CSMD1: variants seen among roughly 807,000 people sequenced by gnomAD.
CSMD1 encodes the protein CUB and Sushi multiple domains 1.
CSMD1 carries 213 observed loss-of-function variants against 417.5 expected under a neutral mutation model. That is an observed-to-expected ratio of 0.51 (90% CI 0.46 to 0.57). The LOEUF (loss-of-function observed/expected upper bound fraction) is 0.57. Ranked by LOEUF, CSMD1 falls within the 20% of genes least tolerant of loss-of-function variation. The pLI is 0.00. For synonymous variants in CSMD1, 2,862 were observed against 1,736.8 expected (o/e 1.65, Z -16.11); for missense variants, 6,923 against 4,529.7 (o/e 1.53, Z -15.17).
intron 26 of CSMD1, among the ~76,000 whole-genome samples, chr8:3,245,285 C>A (rs984068577): frequency 6.6e-6 from 1 of 152,178 alleles, no homozygotes; most frequent in African/African-American, 2.4e-5. Context: ...CTGAGAAGCA[C>A]CTCCAGTTCC....
chr8:4,529,897 AT>A (rs1286671702), intron 2 of CSMD1, among the ~76,000 whole-genome samples: 3 of 147,338 alleles, frequency 2.0e-5, no homozygotes, highest in Non-Finnish European at 4.5e-5. Flanking sequence ...AATTTATTTA[AT>A]TTTTTTATTT....
chr8:4,783,017 T>C (rs902067233), intron 1 of CSMD1, among the ~76,000 whole-genome samples: 5 of 151,682 alleles, frequency 3.3e-5, no homozygotes, highest in Non-Finnish European at 7.4e-5. Flanking sequence ...GATGGTCATG[T>C]CTGGAAATGG....
intron 3 of CSMD1, among the ~76,000 whole-genome samples, chr8:4,312,609 T>A (rs910889185): frequency 8.1e-5 from 12 of 147,526 alleles, no homozygotes; most frequent in African/African-American, 2.7e-5. Flanking sequence ...AGGCACAGTG[T>A]CTCACGCCTG....
rs182606206 is a variant in CSMD1 at position 4,566,422 on chromosome 8, G to C, written c.302+70920C>G. On this transcript the variant is annotated intron_variant, in intron 2 of 69. Coordinates refer to ENST00000635120, the MANE Select transcript of CSMD1 (RefSeq NM_033225.6). ...TAATCCCATCACTTTGGGAGGCCGA[G>C]GTGGGTTGATCACGAGGTCAAGAGA... 1.7e-3 allele frequency among the ~76,000 whole-genome samples: 255 copies of C among 152,120 alleles called. 1 individual carries two copies. Among genetic ancestry groups the C allele is most frequent in the African/African-American group, 5.9e-3 (246 of 41,504 alleles).
chr8:4,634,510 G>A (rs908166052), intron 2 of CSMD1, among the ~76,000 whole-genome samples: 1 of 152,128 alleles, frequency 6.6e-6, no homozygotes, highest in Non-Finnish European at 1.5e-5. Flanking sequence ...TAGCTTTTGT[G>A]CAACAATAAA....
chr8:4,723,513 G>C (rs1809201517), intron 1 of CSMD1, among the ~76,000 whole-genome samples: 1 of 152,038 alleles, frequency 6.6e-6, no homozygotes, highest in Non-Finnish European at 1.5e-5. Flanking sequence ...GTATCTTGTA[G>C]GATCTGTGTA....
chr8:3,121,082 A>G (rs555212154), intron 41 of CSMD1, among the ~76,000 whole-genome samples: 2 of 138,164 alleles, frequency 1.4e-5, no homozygotes, highest in Admixed American at 1.3e-4. Context: ...ACAGAAATCC[A>G]AACAACAACA....
At chr8:4,524,298 A>G (rs1796395431) in intron 2 of CSMD1, among the ~76,000 whole-genome samples, 1 of 152,284 alleles carries the variant, frequency 6.6e-6, no homozygotes, top group Middle Eastern at 3.4e-3. Flanking sequence ...ATATGTGTTA[A>G]CAACCTGCTA....
At chr8:3,648,191 G>A (rs1284071374) in intron 7 of CSMD1, among the ~76,000 whole-genome samples, 1 of 152,166 alleles carries the variant, frequency 6.6e-6, no homozygotes, top group African/African-American at 2.4e-5. Context: ...GTACATATGT[G>A]TATATTACTC....
intron 1 of CSMD1, among the ~76,000 whole-genome samples, chr8:4,842,641 T>C (rs1248841339): frequency 6.6e-6 from 1 of 152,204 alleles, no homozygotes; most frequent in African/African-American, 2.4e-5. Flanking sequence ...CTCAGTAGTG[T>C]TCTTCTCTGT....
chr8:3,049,411 T>G (rs188702503), intron 50 of CSMD1, among the ~76,000 whole-genome samples: 1 of 151,984 alleles, frequency 6.6e-6, no homozygotes, highest in Non-Finnish European at 1.5e-5. Flanking sequence ...TAAAAAGAAA[T>G]GAGAGCTAGA....
chr8:3,959,828 C>G (rs1382186889), intron 5 of CSMD1, among the ~76,000 whole-genome samples: 3 of 152,138 alleles, frequency 2.0e-5, no homozygotes, highest in African/African-American at 4.8e-5. Context: ...CATTATACAC[C>G]AAGTGATGTA....
rs539351213 is a variant in CSMD1, at chr8:3,453,061, G to A, written c.1561+15651C>T. On this transcript the variant is annotated intron_variant, in intron 12 of 69. Coordinates refer to ENST00000635120, the MANE Select transcript of CSMD1 (RefSeq NM_033225.6). Reference sequence around the variant, plus strand: ...TTAGTCTTGGGAGAGTGTATGTGTCGAGGAATTTATCCATTTCTTCTAGAT... The same window carrying A: ...TTAGTCTTGGGAGAGTGTATGTGTCAAGGAATTTATCCATTTCTTCTAGAT... Among the ~76,000 whole-genome samples the A allele has an allele frequency of 1.3e-4, 20 of 152,156 alleles. No homozygotes were observed. In the East Asian group the frequency reaches 3.3e-3, roughly 25 times the overall value.
intron 5 of CSMD1, among the ~76,000 whole-genome samples, chr8:3,903,663 T>A (rs1313798975): frequency 6.6e-6 from 1 of 152,134 alleles, no homozygotes; most frequent in Non-Finnish European, 1.5e-5. Flanking sequence ...CCTTACAAAT[T>A]GACCCTGGCT....
At chr8:3,283,424 C>G (rs1466273897) in intron 26 of CSMD1, among the ~76,000 whole-genome samples, 2 of 152,088 alleles carry the variant, frequency 1.3e-5, no homozygotes, top group African/African-American at 2.4e-5. Flanking sequence ...CTAATTGAAA[C>G]CTTTAAAGTC....
intron 3 of CSMD1, among the ~76,000 whole-genome samples, chr8:4,415,740 T>C (rs1796898043): frequency 6.6e-6 from 1 of 152,224 alleles, no homozygotes; most frequent in Admixed American, 6.5e-5. Flanking sequence ...AATCTGTGTA[T>C]CCACTTACAC....
chr8:4,970,971 G>T (rs746694741), intron 1 of CSMD1, among the ~76,000 whole-genome samples: 22 of 152,084 alleles, frequency 1.4e-4, no homozygotes, highest in Non-Finnish European at 2.2e-4. Context: ...GTTTACAGAA[G>T]AATAATAAGA....
intron 41 of CSMD1, among the ~76,000 whole-genome samples, chr8:3,131,827 T>A (rs1817809503): frequency 6.6e-6 from 1 of 152,190 alleles, no homozygotes; most frequent in Non-Finnish European, 1.5e-5. Context: ...AAATGCTAAA[T>A]ATTAATTAAA....
chr8:4,888,220 A>G (rs1340630982), intron 1 of CSMD1, among the ~76,000 whole-genome samples: 2 of 152,114 alleles, frequency 1.3e-5, no homozygotes, highest in Non-Finnish European at 2.9e-5. Flanking sequence ...AAGAAAAAAT[A>G]GAAAGAAAAT....
Sources: allele counts gnomAD v4.1 joint callset (sites outside exome capture counted in the v4.1 genomes callset), GRCh38; gene constraint gnomAD v4.1.1; transcripts MANE v1.5; gene names NCBI Gene and HGNC (gene_info 2026-07-23, HGNC 2026-07-21).